RXFP1: variants seen among roughly 807,000 people sequenced by gnomAD.
The protein encoded by RXFP1 is relaxin receptor 1.
A neutral mutation model predicts 89.8 loss-of-function variants in RXFP1; 73 were observed. That is an observed-to-expected ratio of 0.81 (90% CI 0.67 to 0.99). RXFP1 has a LOEUF of 0.99. Among genes scored for constraint, RXFP1 ranks in the 50% least tolerant of loss-of-function variants. RXFP1 has a pLI of 0.00. For synonymous variants in RXFP1, 277 were observed against 305.5 expected, an observed-to-expected ratio of 0.91 and a Z score of 0.97; for missense variants, 793 against 895.5, an observed-to-expected ratio of 0.89 and a Z score of 1.46.
chr4:158,602,634 C>A (rs1323990005), intron 4 of RXFP1, among the ~76,000 whole-genome samples: 1 of 151,838 alleles, frequency 6.6e-6, no homozygotes, highest in African/African-American at 2.4e-5. Context: ...AAAGAAAATT[C>A]TCTATTTATA....
At chr4:158,606,920 G>A in intron 5 of RXFP1, 3 of 716,834 alleles carry the variant, frequency 4.2e-6, no homozygotes, top group South Asian at 3.2e-5. Context: ...TCAAAGTTAG[G>A]TTTTCTTGCA....
At position 158,629,365 on chromosome 4, in the gene RXFP1, C is replaced by T. The variant is rs73860559; in HGVS notation, c.899+656C>T. 4.0e-3 allele frequency among the ~76,000 whole-genome samples: 602 copies of T among 152,162 alleles called. 2 individuals carry two copies. The highest frequency in any genetic ancestry group is 0.014 in the African/African-American group (572 of 41,508). Reference sequence around the variant, plus strand: ...TTGAAACCAAAGGATAATCTTGTATCCATAAGGAAATTAGACACTACTGTG... The same window carrying T: ...TTGAAACCAAAGGATAATCTTGTATTCATAAGGAAATTAGACACTACTGTG... On this transcript the variant is annotated intron_variant, in intron 11 of 17. Coordinates refer to ENST00000307765, the MANE Select transcript of RXFP1 (RefSeq NM_021634.4).
Position 158,539,114 on chromosome 4 carries a change from G to A in RXFP1, c.49+17089G>A, listed in dbSNP as rs574479548. Among the ~76,000 whole-genome samples, 4 of 152,304 alleles carry A rather than the reference G, an allele frequency of 2.6e-5. No individual in the cohort carries two copies. In the South Asian group the frequency reaches 8.3e-4, roughly 32 times the overall value. On this transcript the variant is annotated intron_variant, in intron 1 of 17. Transcript: ENST00000307765. ...TCATGGGAAGCATTACACTGAGATG[G>A]CATCGTGGACAGAAAGAGGAAGTTA...
At chr4:158,593,225 G>A (rs1456410263) in intron 2 of RXFP1, among the ~76,000 whole-genome samples, 176 bp from the exon 3 acceptor site, 1 of 152,070 alleles carries the variant, frequency 6.6e-6, no homozygotes, top group African/African-American at 2.4e-5. Flanking sequence ...ACTATAAAAT[G>A]AGAATCTCCA....
At chr4:158,638,756 G>A (rs1180475710) in intron 13 of RXFP1, among the ~76,000 whole-genome samples, 1 of 147,756 alleles carries the variant, frequency 6.8e-6, no homozygotes, top group Non-Finnish European at 1.5e-5. Flanking sequence ...TGAGGCTGCA[G>A]TAAGCCCTGT....
At chr4:158,555,688 T>C (rs1446099840) in intron 1 of RXFP1, among the ~76,000 whole-genome samples, 1 of 152,216 alleles carries the variant, frequency 6.6e-6, no homozygotes, top group Admixed American at 6.5e-5. Context: ...TGTGTCTCAC[T>C]TGGCAATTGG....
intron 9 of RXFP1, among the ~76,000 whole-genome samples, chr4:158,619,250 T>C (rs1202062402): frequency 6.6e-6 from 1 of 152,156 alleles, no homozygotes; most frequent in African/African-American, 2.4e-5. Context: ...GATTAAGATA[T>C]AGAAAGCCAC....
chr4:158,551,460 T>A (rs1396452680), intron 1 of RXFP1, among the ~76,000 whole-genome samples: 2 of 152,214 alleles, frequency 1.3e-5, no homozygotes, highest in Non-Finnish European at 2.9e-5. Flanking sequence ...AGTAATAATG[T>A]GTTGTACACT....
chr4:158,540,774 AC>A (rs1221165823), intron 1 of RXFP1, among the ~76,000 whole-genome samples: 2 of 151,984 alleles, frequency 1.3e-5, no homozygotes, highest in African/African-American at 4.8e-5. Flanking sequence ...CAGCAGCCAC[AC>A]CTTAGCCTGT....
intron 3 of RXFP1, among the ~76,000 whole-genome samples, chr4:158,598,764 C>G (rs564211093): frequency 1.3e-5 from 2 of 151,910 alleles, no homozygotes; most frequent in South Asian, 4.2e-4. Context: ...TTTTATTCAT[C>G]CTTTACCCCT....
intron 12 of RXFP1, among the ~76,000 whole-genome samples, chr4:158,636,460 A>T (rs1769177730): frequency 6.6e-6 from 1 of 152,088 alleles, no homozygotes; most frequent in Non-Finnish European, 1.5e-5. Context: ...CCCTTTCTTG[A>T]CAGCTCCGCC....
At chr4:158,590,192 G>A (rs1324174476) in intron 2 of RXFP1, among the ~76,000 whole-genome samples, 4 of 152,142 alleles carry the variant, frequency 2.6e-5, no homozygotes, top group Non-Finnish European at 4.4e-5. Flanking sequence ...GATTATCTGA[G>A]GGTAGTTCTA....
chr4:158,619,625 A>G (rs1387470812), intron 9 of RXFP1, among the ~76,000 whole-genome samples: 2 of 152,184 alleles, frequency 1.3e-5, no homozygotes, highest in Admixed American at 6.6e-5. Flanking sequence ...GGAGTAGGTA[A>G]GGAAACCAGA....
chr4:158,645,400 C>T (rs7676547), intron 15 of RXFP1, among the ~76,000 whole-genome samples: 137,048 of 152,214 alleles, frequency 0.9, 63,368 homozygotes, highest in East Asian at 1. Context: ...ACAGTGGCTC[C>T]GAAGGCACAA....
At chr4:158,626,706 T>G in intron 9 of RXFP1, 114 bp from the exon 10 acceptor site, 5 of 578,122 alleles carry the variant, frequency 8.6e-6, no homozygotes, top group Non-Finnish European at 1.5e-5. Flanking sequence ...AGAGTCTATA[T>G]GAAATAAACA....
chr4:158,522,354 T>C (rs1428431777), intron 1 of RXFP1, among the ~76,000 whole-genome samples: 1 of 152,244 alleles, frequency 6.6e-6, no homozygotes, highest in African/African-American at 2.4e-5. Context: ...AATATATTCA[T>C]TGAAAACTCC....
At chr4:158,632,381 A>G (rs1434304594) in intron 11 of RXFP1, among the ~76,000 whole-genome samples, 2 of 152,224 alleles carry the variant, frequency 1.3e-5, no homozygotes, top group Non-Finnish European at 1.5e-5. Flanking sequence ...TAACAAATAC[A>G]TCTATTCATT....
At chr4:158,566,489 G>A (rs1299350225) in intron 1 of RXFP1, among the ~76,000 whole-genome samples, 5 of 151,840 alleles carry the variant, frequency 3.3e-5, no homozygotes, top group African/African-American at 9.7e-5. Context: ...TCAGCCTCCC[G>A]AGTAGCTGGG....
intron 14 of RXFP1, among the ~76,000 whole-genome samples, chr4:158,643,100 T>G (rs1212986290): frequency 6.6e-6 from 1 of 152,164 alleles, no homozygotes; most frequent in Non-Finnish European, 1.5e-5. Context: ...TGCTTCTTTA[T>G]TGTACATGTG....
Sources: allele counts gnomAD v4.1 joint callset (sites outside exome capture counted in the v4.1 genomes callset), GRCh38; gene constraint gnomAD v4.1.1; transcripts MANE v1.5; gene names NCBI Gene and HGNC (gene_info 2026-07-23, HGNC 2026-07-21).